PSMA8: variants seen among roughly 807,000 people sequenced by gnomAD.
The protein encoded by PSMA8 is proteasome 20S subunit alpha 8, also known as proteasome subunit alpha-type 8.
A neutral mutation model predicts 32.4 loss-of-function variants in PSMA8; 18 were observed. The observed-to-expected ratio is 0.56, with a 90% CI of 0.38 to 0.82. PSMA8 has a LOEUF of 0.82. Among genes scored for constraint, PSMA8 ranks in the 40% least tolerant of loss-of-function variants. The pLI, the probability that PSMA8 is intolerant of heterozygous loss-of-function variation, is 0.00. For missense variants in PSMA8, 298 were observed against 300.7 expected (o/e 0.99, Z 0.07); for synonymous variants, 104 against 98.1 (o/e 1.06, Z -0.36).
chr18:26,137,519 G>A (rs1433986449), intron 1 of PSMA8, among the ~76,000 whole-genome samples: 1 of 152,202 alleles, frequency 6.6e-6, no homozygotes, highest in Non-Finnish European at 1.5e-5. Context: ...AATAATGCAT[G>A]TGAAGCATCT....
chr18:26,138,091 A>G (rs1345576008), intron 1 of PSMA8, among the ~76,000 whole-genome samples: 2 of 152,246 alleles, frequency 1.3e-5, no homozygotes, highest in Admixed American at 6.5e-5. Flanking sequence ...ATGGAATGCC[A>G]TTAAACCATG....
At chr18:26,186,371 C>CTGTGGATTAA (rs1400234029) in intron 6 of PSMA8, among the ~76,000 whole-genome samples, 1 of 146,582 alleles carries the variant, frequency 6.8e-6, no homozygotes, top group Admixed American at 6.9e-5. Context: ...GTTTTCTTAT[C>CTGTGGATTAA]TGTGGATTAA....
intron 2 of PSMA8, 25 bp downstream of exon 2, chr18:26,144,710 T>A (rs368527880): frequency 6.2e-7 from 1 of 1,611,614 alleles, no homozygotes; most frequent in Non-Finnish European, 8.5e-7. Flanking sequence ...ACAATAATGA[T>A]GCATAGTGTC....
chr18:26,180,085 T>C (rs2144347217), intron 6 of PSMA8, among the ~76,000 whole-genome samples: 1 of 152,080 alleles, frequency 6.6e-6, no homozygotes, highest in South Asian at 2.1e-4. Flanking sequence ...ACCCCGTCTC[T>C]ACTAAAAATA....
At chr18:26,173,466 T>A (rs529906561) in intron 4 of PSMA8, among the ~76,000 whole-genome samples, 1 of 152,180 alleles carries the variant, frequency 6.6e-6, no homozygotes, top group Non-Finnish European at 1.5e-5. Flanking sequence ...ACTAATGTAC[T>A]GTTTATTTTA....
At chr18:26,185,951 T>G (rs561537086) in intron 6 of PSMA8, among the ~76,000 whole-genome samples, 15 of 150,348 alleles carry the variant, frequency 1.0e-4, no homozygotes, top group Non-Finnish European at 1.0e-4. Context: ...TGATCAAAAA[T>G]GGAGCTCTGG....
At chr18:26,142,833 A>G (rs75643825) in intron 1 of PSMA8, among the ~76,000 whole-genome samples, 10,074 of 152,132 alleles carry the variant, frequency 0.066, 497 homozygotes, top group East Asian at 0.15. Context: ...GTCAACCATC[A>G]TGACCTAATC....
intron 1 of PSMA8, among the ~76,000 whole-genome samples, chr18:26,144,221 A>C (rs2054982906): frequency 6.6e-6 from 1 of 152,176 alleles, no homozygotes; most frequent in Non-Finnish European, 1.5e-5. Context: ...TCATTTGCTT[A>C]TAGTTGCAAT....
rs75506817 is a variant in PSMA8 at position 26,160,866 on chromosome 18, G to A, written c.477+2622G>A. Among the ~76,000 whole-genome samples, 835 of 152,280 alleles carry A rather than the reference G, an allele frequency of 5.5e-3. 5 individuals carry two copies. Among genetic ancestry groups the A allele is most frequent in the Non-Finnish European group, 8.8e-3 (599 of 68,026 alleles). The stretch of plus-strand genomic sequence containing the variant: ...ATGTAACACAGATTTTATTTATGAG[G>A]ACTGGGCCTTTAATGATCCTGCCAT... On this transcript the variant is annotated intron_variant, in intron 4 of 6. Transcript: ENST00000415576.
intron 1 of PSMA8, among the ~76,000 whole-genome samples, chr18:26,137,561 A>C (rs2054922496): frequency 6.6e-6 from 1 of 152,204 alleles, no homozygotes; most frequent in Non-Finnish European, 1.5e-5. Flanking sequence ...AAAGTACTTA[A>C]CAAATTGTAG....
rs995012275 is a variant in PSMA8 at position 26,188,670 on chromosome 18, G to A, written c.661-3649G>A. Among the ~76,000 whole-genome samples the A allele has an allele frequency of 2.4e-4, 36 of 152,022 alleles. 1 individual carries two copies. Among genetic ancestry groups the A allele is most frequent in the African/African-American group, 7.5e-4 (31 of 41,394 alleles). On this transcript the variant is annotated intron_variant, in intron 6 of 6. Transcript: ENST00000415576. ...ACATAGATTAATTAAACAAAATGGA[G>A]ATCCCAGAAACAAATCCACATATAT...
chr18:26,136,613 C>T (rs2054913532), intron 1 of PSMA8, among the ~76,000 whole-genome samples: 1 of 152,190 alleles, frequency 6.6e-6, no homozygotes, highest in South Asian at 2.1e-4. Flanking sequence ...TGATCCACTC[C>T]AGTCATCTTG....
rs140137581 is a variant in PSMA8, at chr18:26,165,965, G to A, written c.477+7721G>A. On this transcript the variant is annotated intron_variant, in intron 4 of 6. Transcript: ENST00000415576. ...AAAATACAAAAAATTAGCTGTTCCT[G>A]GTGGTGTATGCATGTAATCCCAGCT... Among the ~76,000 whole-genome samples the A allele has an allele frequency of 8.1e-3, 1,229 of 152,074 alleles. 14 individuals are homozygous for A. The highest frequency in any genetic ancestry group is 0.028 in the African/African-American group (1,174 of 41,500).
At chr18:26,148,681 A>G (rs2055022608) in intron 2 of PSMA8, among the ~76,000 whole-genome samples, 1 of 152,182 alleles carries the variant, frequency 6.6e-6, no homozygotes, top group South Asian at 2.1e-4. Context: ...GTTAGGAAAG[A>G]AAAATAAATA....
At chr18:26,137,141 T>C (rs1020227684) in intron 1 of PSMA8, among the ~76,000 whole-genome samples, 1 of 152,222 alleles carries the variant, frequency 6.6e-6, no homozygotes, top group African/African-American at 2.4e-5. Context: ...CTTCAGTTTC[T>C]GTAATAGTAA....
rs1395068400 is a variant in PSMA8, at chr18:26,178,888, C to G, written c.536C>G (p.Thr179Arg). 3 of 1,613,628 alleles carry G rather than the reference C, an allele frequency of 1.9e-6. No individual in the cohort carries two copies. The highest frequency in any genetic ancestry group is 2.5e-6 in the Non-Finnish European group (3 of 1,179,684). The change falls in exon 5 of 7, where the codon ACA becomes AGA. Residue 179 changes from threonine to arginine, a missense_variant. Transcript: ENST00000415576. ...CGAGAATTTCTAGAAAAGAATTACA[C>G]AGAAGATGCCATAGCAAGTGACAGT... ...TVREFLEKNY[T>R]EDAIASDSEA... is the part of the protein sequence containing the mutation.
chr18:26,171,295 C>A, intron 4 of PSMA8: 6 of 1,571,066 alleles, frequency 3.8e-6, no homozygotes, highest in Non-Finnish European at 5.1e-6. Context: ...ATGACAGCAG[C>A]GGGAGGACCT....
chr18:26,159,416 T>C (rs1323090901), intron 4 of PSMA8, among the ~76,000 whole-genome samples: 3 of 152,304 alleles, frequency 2.0e-5, no homozygotes, highest in Admixed American at 2.0e-4. Flanking sequence ...TAGATTTACA[T>C]GCTGCAAATA....
At chr18:26,181,136 G>A (rs2055307751) in intron 6 of PSMA8, among the ~76,000 whole-genome samples, 1 of 152,112 alleles carries the variant, frequency 6.6e-6, no homozygotes, top group Admixed American at 6.5e-5. Context: ...TGCTTACTTT[G>A]TGTCTCTGTC....
Sources: allele counts gnomAD v4.1 joint callset (sites outside exome capture counted in the v4.1 genomes callset), GRCh38; gene constraint gnomAD v4.1.1; transcripts MANE v1.5; gene names NCBI Gene and HGNC (gene_info 2026-07-23, HGNC 2026-07-21).